MYBL2: variants seen among roughly 807,000 people sequenced by gnomAD.
MYBL2 encodes MYB proto-oncogene like 2, also known as myb-related protein B.
In MYBL2, 28 loss-of-function variants were observed where a neutral mutation model predicts 79.9. The ratio of observed to expected loss-of-function variants is 0.35; its 90% CI spans 0.26 to 0.48. The LOEUF (loss-of-function observed/expected upper bound fraction) is 0.48. Ranked by LOEUF, MYBL2 falls within the 20% of genes least tolerant of loss-of-function variation. The probability of loss-of-function intolerance (pLI) is 0.99; values close to 1 mark genes in which losing one functional copy is unlikely to be tolerated. For synonymous variants in MYBL2, 378 were observed against 361.2 expected (o/e 1.05, Z -0.53); for missense variants, 735 against 893.9 (o/e 0.82, Z 2.27).
intron 6 of MYBL2, among the ~76,000 whole-genome samples, chr20:43,697,120 G>C (rs1987563591): frequency 6.6e-6 from 1 of 152,102 alleles, no homozygotes; most frequent in Non-Finnish European, 1.5e-5. Context: ...GGATTGTACT[G>C]TTTAATCCTG....
intron 6 of MYBL2, among the ~76,000 whole-genome samples, chr20:43,695,845 C>T (rs1485766421): frequency 3.3e-5 from 5 of 152,082 alleles, no homozygotes; most frequent in East Asian, 1.9e-4. Flanking sequence ...CCTGTAATCT[C>T]AGCACTTTGG....
In MYBL2 at chr20:43,684,530, C is replaced by T. The variant is rs540914742; in HGVS notation, c.279+1644C>T. 1.3e-3 allele frequency among the ~76,000 whole-genome samples: 193 copies of T among 148,758 alleles called. 1 individual carries two copies. Among genetic ancestry groups the T allele is most frequent in the Admixed American group, 3.6e-3 (54 of 15,020 alleles). On this transcript the variant is annotated intron_variant, in intron 4 of 13. Coordinates refer to ENST00000217026, the MANE Select transcript of MYBL2 (RefSeq NM_002466.4). The stretch of plus-strand genomic sequence containing the variant: ...GATTACAAGCGTGAGCCACTGTGCC[C>T]GGCCTTTTTTTTTTTTTTTTTAATT...
intron 12 of MYBL2, among the ~76,000 whole-genome samples, chr20:43,714,323 A>G (rs555327782): frequency 3.9e-5 from 6 of 152,160 alleles, no homozygotes; most frequent in Non-Finnish European, 8.8e-5. Context: ...ATGCTTGTGG[A>G]TGTTTCTGGT....
At chr20:43,693,854 C>T (rs781381112) in intron 6 of MYBL2, among the ~76,000 whole-genome samples, 1 of 151,822 alleles carries the variant, frequency 6.6e-6, no homozygotes, top group Non-Finnish European at 1.5e-5. Flanking sequence ...AGTTTAAGAC[C>T]AGCTTGGGCA....
rs1043669872 is a variant in MYBL2, at chr20:43,710,178, G to A, written c.1605+116G>A. On this transcript the variant is annotated intron_variant, in intron 10 of 13. Coordinates refer to ENST00000217026, the MANE Select transcript of MYBL2 (RefSeq NM_002466.4). ...GAGGTCTCATTTGATTCTTTCTCCT[G>A]AGAAGATGCAGAGATCCTGATAATA... 6 of 810,978 alleles carry A rather than the reference G, an allele frequency of 7.4e-6. No homozygotes were observed. The African/African-American group carries it at 1.1e-4, about 14-fold the overall frequency. The allele number at this position is 810,978 out of a possible 1,614,324, so 50.2% of individuals were successfully genotyped here. A position where few individuals can be genotyped will look rare whatever the true frequency, so the allele number is the denominator to read the frequency against.
At chr20:43,669,535 C>G (rs1374617686) in intron 1 of MYBL2, among the ~76,000 whole-genome samples, 1 of 152,188 alleles carries the variant, frequency 6.6e-6, no homozygotes, top group Non-Finnish European at 1.5e-5. Context: ...GGAGCAGAGC[C>G]CAGCACGTTG....
intron 5 of MYBL2, among the ~76,000 whole-genome samples, chr20:43,691,527 C>G (rs1470004836): frequency 6.9e-6 from 1 of 144,970 alleles, no homozygotes; most frequent in African/African-American, 2.6e-5. Flanking sequence ...GCCACTGTTC[C>G]TGGTCTTATA....
intron 2 of MYBL2, among the ~76,000 whole-genome samples, chr20:43,678,173 C>T (rs568334146): frequency 2.2e-4 from 34 of 152,168 alleles, no homozygotes; most frequent in South Asian, 2.1e-3. Flanking sequence ...TGCGGAAGGC[C>T]GCAGGGTCCT....
At chr20:43,700,850 G>A (rs1212607955) in intron 7 of MYBL2, among the ~76,000 whole-genome samples, 1 of 152,194 alleles carries the variant, frequency 6.6e-6, no homozygotes, top group Non-Finnish European at 1.5e-5. Flanking sequence ...ATACTTGGTG[G>A]TCTTGACTGC....
At chr20:43,687,382 C>T (rs1043594028) in intron 5 of MYBL2, among the ~76,000 whole-genome samples, 1 of 152,172 alleles carries the variant, frequency 6.6e-6, no homozygotes, top group Non-Finnish European at 1.5e-5. Flanking sequence ...CTCTTCTCTT[C>T]GACTTCAGTT....
chr20:43,681,342 C>T (rs2145713460), intron 2 of MYBL2, among the ~76,000 whole-genome samples: 1 of 152,240 alleles, frequency 6.6e-6, no homozygotes, highest in South Asian at 2.1e-4. Flanking sequence ...CTGTGACCAC[C>T]CACTCTTCAA....
At chr20:43,681,690 C>T (rs772810421) in intron 2 of MYBL2, 94 bp from the exon 3 acceptor site, 6 of 1,269,166 alleles carry the variant, frequency 4.7e-6, no homozygotes, top group Admixed American at 1.7e-5. Flanking sequence ...AATGGATGAA[C>T]GAGGCTGTTC....
intron 10 of MYBL2, among the ~76,000 whole-genome samples, chr20:43,710,983 C>T (rs766897084): frequency 1.3e-5 from 2 of 152,162 alleles, no homozygotes; most frequent in Non-Finnish European, 1.5e-5. Flanking sequence ...CTGTGATTCG[C>T]ACCTTTCACT....
intron 11 of MYBL2, among the ~76,000 whole-genome samples, chr20:43,712,519 G>T (rs1001908867): frequency 5.9e-5 from 9 of 152,196 alleles, no homozygotes; most frequent in African/African-American, 2.2e-4. Context: ...TGGTATCGGA[G>T]CAGGCCCTGG....
At chr20:43,712,597 G>A (rs1987932309) in intron 11 of MYBL2, among the ~76,000 whole-genome samples, 2 of 152,170 alleles carry the variant, frequency 1.3e-5, no homozygotes, top group South Asian at 4.1e-4. Flanking sequence ...TTGTAGAGGG[G>A]CTTGTCCTGA....
At chr20:43,706,521 C>A (rs1987785803) in intron 9 of MYBL2, among the ~76,000 whole-genome samples, 1 of 151,630 alleles carries the variant, frequency 6.6e-6, no homozygotes, top group South Asian at 2.1e-4. Context: ...GAATTTTAGC[C>A]CTGATAGTGA....
chr20:43,715,656 T>A (rs1988014285), intron 13 of MYBL2, among the ~76,000 whole-genome samples: 1 of 152,198 alleles, frequency 6.6e-6, no homozygotes, highest in Non-Finnish European at 1.5e-5. Context: ...TTCAGGCTGC[T>A]GACCCGTCTC....
intron 4 of MYBL2, among the ~76,000 whole-genome samples, chr20:43,685,329 T>C (rs1987247407): frequency 6.6e-6 from 1 of 151,288 alleles, no homozygotes; most frequent in African/African-American, 2.4e-5. Context: ...TACAGGTGCA[T>C]GCTACCACGC....
In MYBL2 at chr20:43,716,106, A is replaced by G. The variant is rs770186132; in HGVS notation, c.*19A>G. The G allele has an allele frequency of 1.4e-5, 23 of 1,602,940 alleles. No individual in the cohort carries two copies. Among genetic ancestry groups the G allele is most frequent in the Non-Finnish European group, 1.8e-5 (21 of 1,179,524 alleles). ...GTCCTGAGGTGTTGAGGGTGTCACGAGCCCATTCTCATGTTTACAGGGGTT... is the reference window on the plus strand; with the variant it reads ...GTCCTGAGGTGTTGAGGGTGTCACGGGCCCATTCTCATGTTTACAGGGGTT... On this transcript the variant is annotated 3_prime_UTR_variant, in exon 14 of 14. Coordinates refer to ENST00000217026, the MANE Select transcript of MYBL2 (RefSeq NM_002466.4).
Sources: allele counts gnomAD v4.1 joint callset (sites outside exome capture counted in the v4.1 genomes callset), GRCh38; gene constraint gnomAD v4.1.1; transcripts MANE v1.5; gene names NCBI Gene and HGNC (gene_info 2026-07-23, HGNC 2026-07-21).